The following GLI3 variants were observed in gnomAD, a reference collection of about 807,000 sequenced individuals.
GLI3 encodes the protein GLI family zinc finger 3.
GLI3 carries 20 observed loss-of-function variants against 100.8 expected under a neutral mutation model. The observed-to-expected ratio is 0.20, with a 90% CI of 0.14 to 0.29. GLI3 has a LOEUF of 0.29. Ranked by LOEUF, GLI3 falls within the 10% of genes least tolerant of loss-of-function variation. The probability of loss-of-function intolerance (pLI) is 1.00; values close to 1 mark genes in which losing one functional copy is unlikely to be tolerated. For missense variants in GLI3, 2,040 were observed against 2,128.5 expected (o/e 0.96, Z 0.82); for synonymous variants, 938 against 860.5 (o/e 1.09, Z -1.58).
chr7:41,979,233 T>C (rs1787590316), intron 10 of GLI3, among the ~76,000 whole-genome samples: 1 of 152,198 alleles, frequency 6.6e-6, no homozygotes. Context: ...CACACAGACA[T>C]GCACAATTCC....
At chr7:42,176,021 C>T (rs1224693300) in intron 2 of GLI3, among the ~76,000 whole-genome samples, 1 of 152,150 alleles carries the variant, frequency 6.6e-6, no homozygotes, top group East Asian at 1.9e-4. Context: ...CAAAACCACC[C>T]TCCTACTGGC....
chr7:42,116,129 G>A (rs1479660906), intron 3 of GLI3, among the ~76,000 whole-genome samples: 1 of 151,988 alleles, frequency 6.6e-6, no homozygotes, highest in African/African-American at 2.4e-5. Flanking sequence ...GACCTATCTT[G>A]ACAGAAGCCA....
At chr7:42,107,154 C>CAAAAT (rs1000468852) in intron 3 of GLI3, among the ~76,000 whole-genome samples, 45 of 151,636 alleles carry the variant, frequency 3.0e-4, no homozygotes, top group South Asian at 1.3e-3. Flanking sequence ...TGTCTCTGCT[C>CAAAAT]AAAATAAAAT....
At chr7:42,112,848 CAA>C (rs1240028334) in intron 3 of GLI3, among the ~76,000 whole-genome samples, 4 of 152,064 alleles carry the variant, frequency 2.6e-5, no homozygotes, top group Non-Finnish European at 5.9e-5. Flanking sequence ...CCAGCCTGCC[CAA>C]GAGAGAGGAG....
intron 2 of GLI3, among the ~76,000 whole-genome samples, chr7:42,156,862 AAC>A (rs1787016010): frequency 6.6e-6 from 1 of 152,228 alleles, no homozygotes; most frequent in Admixed American, 6.5e-5. Flanking sequence ...TAACCTTTCT[AAC>A]ATTTTTCCAA....
chr7:42,201,148 A>G (rs1216664726), intron 2 of GLI3, among the ~76,000 whole-genome samples: 1 of 152,168 alleles, frequency 6.6e-6, no homozygotes, highest in Non-Finnish European at 1.5e-5. Flanking sequence ...AACAATAACT[A>G]ATAATAAAAT....
At chr7:42,043,528 C>T (rs963442117) in intron 6 of GLI3, among the ~76,000 whole-genome samples, 2 of 152,324 alleles carry the variant, frequency 1.3e-5, no homozygotes, top group Middle Eastern at 3.4e-3. Flanking sequence ...TGTTCTAACA[C>T]AGATATCTCC....
At chr7:42,162,965 CTTTTTTTTTTTTTT>C (rs58993499) in intron 2 of GLI3, among the ~76,000 whole-genome samples, 2 of 95,576 alleles carry the variant, frequency 2.1e-5, no homozygotes, top group African/African-American at 8.8e-5. Context: ...GAATAAACAC[CTTTTTTTTTTTTTT>C]TTTTTTTTTT....
chr7:42,093,032 T>G (rs192302103), intron 3 of GLI3, among the ~76,000 whole-genome samples: 74 of 152,028 alleles, frequency 4.9e-4, no homozygotes, highest in African/African-American at 1.7e-3. Flanking sequence ...CAGGCTGGTT[T>G]CAAACTTCTG....
chr7:42,006,815 T>C (rs1048289948), intron 10 of GLI3, among the ~76,000 whole-genome samples: 10 of 152,316 alleles, frequency 6.6e-5, no homozygotes, highest in African/African-American at 1.9e-4. Context: ...GGTAAGTGCA[T>C]TTCACAGAGC....
chr7:42,026,107 A>G, intron 8 of GLI3, 92 bp downstream of exon 8: 1 of 796,248 alleles, frequency 1.3e-6, no homozygotes, highest in Non-Finnish European at 2.2e-6. Context: ...GTGAGAACAC[A>G]GAGGTGCCGT....
chr7:42,076,938 C>T (rs910456032), intron 3 of GLI3, 81 bp from the exon 4 acceptor site: 12 of 817,894 alleles, frequency 1.5e-5, no homozygotes, highest in African/African-American at 1.3e-4. Context: ...CATTGCTATA[C>T]TATTGTATCT....
Position 41,965,882 on chromosome 7 carries a change from G to A in GLI3, c.3191C>T (p.Pro1064Leu). Residue 1064 changes from proline (P) to leucine (L), a missense_variant, in exon 15 of 15, where the codon CCC becomes CTC. Physicochemically the swap from Pro to Leu is moderately conservative, Grantham distance 98. Transcript: ENST00000395925. Reference protein sequence around the residue: ...GGQSRNFHSSPCPPSITENVT... With the variant: ...GGQSRNFHSSLCPPSITENVT... ...GTTCTCGGTGATGCTGGGAGGACAG[G>A]GGGACGAGTGGAAGTTTCGGGACTG... 15 of 1,613,734 alleles carry A rather than the reference G, an allele frequency of 9.3e-6. No individual in the cohort carries two copies. Among genetic ancestry groups the A allele is most frequent in the Non-Finnish European group, 1.3e-5 (15 of 1,179,922 alleles).
intron 2 of GLI3, among the ~76,000 whole-genome samples, chr7:42,198,771 T>TACACACAC (rs906325525): frequency 1.3e-5 from 2 of 150,068 alleles, no homozygotes; most frequent in Non-Finnish European, 3.0e-5. Flanking sequence ...CACACACACA[T>TACACACAC]ACACACACAC....
intron 3 of GLI3, among the ~76,000 whole-genome samples, chr7:42,105,733 CTG>C (rs1785558913): frequency 6.6e-6 from 1 of 152,110 alleles, no homozygotes; most frequent in African/African-American, 2.4e-5. Flanking sequence ...CCTTAATAGA[CTG>C]TGTGTGTCCA....
intron 12 of GLI3, among the ~76,000 whole-genome samples, chr7:41,975,834 T>C (rs1787494341): frequency 6.6e-6 from 1 of 152,184 alleles, no homozygotes; most frequent in African/African-American, 2.4e-5. Context: ...TGGCCTAACA[T>C]CTATAGGAAT....
chr7:42,077,410 C>G (rs1270838989), intron 3 of GLI3, among the ~76,000 whole-genome samples: 3 of 148,764 alleles, frequency 2.0e-5, no homozygotes. Context: ...TCCCCTCCTT[C>G]TTGGCCGGGC....
chr7:42,162,223 G>A (rs1278375248), intron 2 of GLI3, among the ~76,000 whole-genome samples: 1 of 152,188 alleles, frequency 6.6e-6, no homozygotes, highest in Non-Finnish European at 1.5e-5. Context: ...GCTTACCTTT[G>A]TAGAGGAGGT....
At chr7:42,264,168 G>T (rs527262275), upstream of GLI3, among the ~76,000 whole-genome samples, 1 of 152,296 alleles carries the variant, frequency 6.6e-6, no homozygotes, top group South Asian at 2.1e-4. Context: ...TTCCCAGTAT[G>T]TCCATTGGCC....
Sources: allele counts gnomAD v4.1 joint callset (sites outside exome capture counted in the v4.1 genomes callset), GRCh38; gene constraint gnomAD v4.1.1; transcripts MANE v1.5; gene names NCBI Gene and HGNC (gene_info 2026-07-23, HGNC 2026-07-21).